The following SLC6A11 variants were observed in gnomAD, a reference collection of about 807,000 sequenced individuals.
The protein encoded by SLC6A11 is solute carrier family 6 member 11.
A neutral mutation model predicts 74.8 loss-of-function variants in SLC6A11; 25 were observed. That is an observed-to-expected ratio of 0.33 (90% CI 0.24 to 0.47). The LOEUF (loss-of-function observed/expected upper bound fraction) is 0.47. SLC6A11 is among the 20% of genes least tolerant of loss of function. The probability of loss-of-function intolerance (pLI) is 1.00; values close to 1 mark genes in which losing one functional copy is unlikely to be tolerated. For synonymous variants in SLC6A11, 330 were observed against 330.2 expected, an observed-to-expected ratio of 1.00 and a Z score of 0.01; for missense variants, 574 against 837.0, an observed-to-expected ratio of 0.69 and a Z score of 3.88.
At chr3:10,928,369 C>G (rs1420184658) in intron 9 of SLC6A11, among the ~76,000 whole-genome samples, 1 of 151,918 alleles carries the variant, frequency 6.6e-6, no homozygotes, top group African/African-American at 2.4e-5. Flanking sequence ...GCTCAGGGCG[C>G]AGAGGAGAGG....
intron 13 of SLC6A11, among the ~76,000 whole-genome samples, chr3:10,936,121 G>T (rs1481293376): frequency 6.6e-6 from 1 of 152,166 alleles, no homozygotes; most frequent in Non-Finnish European, 1.5e-5. Context: ...TGCTTATTTA[G>T]TAAACAGCAC....
chr3:10,893,036 T>C (rs1226851158), intron 6 of SLC6A11, among the ~76,000 whole-genome samples: 2 of 152,212 alleles, frequency 1.3e-5, no homozygotes, highest in African/African-American at 4.8e-5. Flanking sequence ...TAGCACATAG[T>C]AGGTGCTCAT....
intron 10 of SLC6A11, among the ~76,000 whole-genome samples, chr3:10,931,520 C>A (rs1048406277): frequency 2.6e-5 from 4 of 152,168 alleles, no homozygotes; most frequent in South Asian, 2.1e-4. Flanking sequence ...ATGGGAGAAC[C>A]CAGGCCAGGC....
chr3:10,818,907 A>G (rs528068584), intron 1 of SLC6A11, among the ~76,000 whole-genome samples: 2 of 152,230 alleles, frequency 1.3e-5, no homozygotes, highest in Non-Finnish European at 2.9e-5. Context: ...ACTCCTTGCA[A>G]GTTGACACCA....
rs1201040957 is a variant in SLC6A11, at chr3:10,901,357, C to T, written c.892-10733C>T. 2.6e-5 allele frequency among the ~76,000 whole-genome samples: 4 copies of T among 152,236 alleles called. No homozygotes were observed. The East Asian group carries it at 5.8e-4, about 22-fold the overall frequency. The stretch of plus-strand genomic sequence containing the variant: ...AAGCCCAGCCACAGTGACCCTCGTT[C>T]CCTGCTCCACACAAAGGGGCCACCG... On this transcript the variant is annotated intron_variant, in intron 6 of 13. Transcript: ENST00000254488.
chr3:10,890,414 A>G (rs1055182096), intron 6 of SLC6A11, among the ~76,000 whole-genome samples: 1 of 152,230 alleles, frequency 6.6e-6, no homozygotes, highest in African/African-American at 2.4e-5. Context: ...ACTAAAGTCC[A>G]TCTGTGAAGT....
At position 10,912,158 on chromosome 3, in the gene SLC6A11, G is replaced by T; in HGVS notation, c.960G>T (p.Leu320=). Residue 320 remains leucine, a synonymous_variant, in exon 7 of 14, where the codon CTG becomes CTT. Coordinates refer to ENST00000254488, the MANE Select transcript of SLC6A11 (RefSeq NM_014229.3). ...TTTGCCTGGGCTGTCTGACCGCTCT[G>T]GGAAGTTATAACAATTATAACAACA... is the stretch of plus-strand genomic sequence containing the variant. ...YAICLGCLTA[L]GSYNNYNNNC... 6.2e-7 allele frequency: 1 copy of T among 1,613,680 alleles called. No individual in the cohort carries two copies. The highest frequency in any genetic ancestry group is 1.3e-5 in the African/African-American group (1 of 74,984).
Position 10,918,303 on chromosome 3 carries a change from T to C in SLC6A11, c.996-26T>C, listed in dbSNP as rs1334615820. ...GCACCGGTTCTGCCCGCTCTGACCC[T>C]AGTGCCTCTCGCTGCTTCCCCACAG... On this transcript the variant is annotated intron_variant, in intron 7 of 13. Transcript: ENST00000254488. The surrounding 1 kb of genome is among the most constrained non-coding windows in gnomAD (Gnocchi z 4.5). 1.9e-6 allele frequency: 3 copies of C among 1,566,794 alleles called. No individual in the cohort carries two copies. The highest frequency in any genetic ancestry group is 2.4e-5 in the East Asian group (1 of 41,892).
chr3:10,860,127 A>G (rs1351279541), intron 5 of SLC6A11, among the ~76,000 whole-genome samples: 1 of 152,244 alleles, frequency 6.6e-6, no homozygotes, highest in Non-Finnish European at 1.5e-5. Context: ...TCTTTACAGT[A>G]TCAAAATTTA....
intron 5 of SLC6A11, among the ~76,000 whole-genome samples, chr3:10,853,103 G>A (rs952737390): frequency 1.3e-5 from 2 of 152,264 alleles, no homozygotes; most frequent in African/African-American, 2.4e-5. Context: ...GTGGAGTGTC[G>A]TTACTTGTGA....
At chr3:10,853,805 T>C (rs756494628) in intron 5 of SLC6A11, among the ~76,000 whole-genome samples, 1 of 152,218 alleles carries the variant, frequency 6.6e-6, no homozygotes, top group African/African-American at 2.4e-5. Context: ...TGATTCATGT[T>C]TGATGGATGA....
At chr3:10,922,254 A>T (rs1029013984) in intron 8 of SLC6A11, among the ~76,000 whole-genome samples, 10 of 152,224 alleles carry the variant, frequency 6.6e-5, no homozygotes, top group Non-Finnish European at 2.9e-5. Flanking sequence ...TATTTCATGA[A>T]ATTGAGACCC....
rs1559550889 is a variant in SLC6A11 at position 10,819,761 on chromosome 3, C to T, written c.441C>T (p.Tyr147=). 4.3e-6 allele frequency: 7 copies of T among 1,614,178 alleles called. No homozygotes were observed. Among genetic ancestry groups the T allele is most frequent in the Non-Finnish European group, 5.9e-6 (7 of 1,179,970 alleles). ...TTGAGGCCCATCTGAATGTGTACTA[C>T]ATCATCATCCTGGCATGGGCCATTT... ...QVIEAHLNVY[Y]IIILAWAIFY... Residue 147 remains tyrosine, a synonymous_variant, in exon 3 of 14, where the codon TAC becomes TAT. Transcript: ENST00000254488.
intron 5 of SLC6A11, among the ~76,000 whole-genome samples, chr3:10,847,663 T>A (rs1694521231): frequency 6.6e-6 from 1 of 152,176 alleles, no homozygotes; most frequent in South Asian, 2.1e-4. Context: ...TCCCAGCTCG[T>A]TATTAATGAT....
intron 13 of SLC6A11, among the ~76,000 whole-genome samples, chr3:10,936,473 A>G (rs1355601319): frequency 1.3e-5 from 2 of 152,198 alleles, no homozygotes; most frequent in Non-Finnish European, 2.9e-5. Flanking sequence ...GAGTGGGGGT[A>G]TGCAGAGCCA....
chr3:10,935,234 C>T, intron 13 of SLC6A11, 35 bp downstream of exon 13: 1 of 1,602,968 alleles, frequency 6.2e-7, no homozygotes, highest in Non-Finnish European at 8.5e-7. Flanking sequence ...TGCGTTTGGG[C>T]AGGGTTCGCG....
At position 10,935,166 on chromosome 3, in the gene SLC6A11, C is replaced by T. The variant is rs769292745; in HGVS notation, c.1713C>T (p.Ile571=). The part of the protein sequence containing the change: ...SMLCIPLWIC[I]TVWKTEGTLP... The stretch of plus-strand genomic sequence containing the variant: ...TCTGCATCCCGCTCTGGATCTGCAT[C>T]ACAGTGTGGAAGACGGAGGGGACAC... The change falls in exon 13 of 14, where the codon ATC becomes ATT. Residue 571 remains isoleucine, a synonymous_variant. Transcript: ENST00000254488. 4.3e-6 allele frequency: 7 copies of T among 1,614,106 alleles called. No homozygotes were observed. The East Asian group carries it at 1.3e-4, about 31-fold the overall frequency.
intron 10 of SLC6A11, among the ~76,000 whole-genome samples, chr3:10,930,781 GTC>G (rs1160321973): frequency 1.3e-5 from 2 of 152,178 alleles, no homozygotes; most frequent in East Asian, 3.9e-4. Context: ...AGCTCACCGA[GTC>G]TCTGATACCC....
rs73812356 is a variant in SLC6A11, at chr3:10,926,934, G to A, written c.1233+818G>A. Among the ~76,000 whole-genome samples, 2,133 of 152,200 alleles carry A rather than the reference G, an allele frequency of 0.014. 47 individuals carry two copies. Among genetic ancestry groups the A allele is most frequent in the African/African-American group, 0.048 (2,009 of 41,534 alleles). Reference sequence around the variant, plus strand: ...CCCCCAGCCACAGCCTCCCCGCCTCGGAGACTGGGGTCTCTTGGCCAACCA... The same window carrying A: ...CCCCCAGCCACAGCCTCCCCGCCTCAGAGACTGGGGTCTCTTGGCCAACCA... On this transcript the variant is annotated intron_variant, in intron 9 of 13. Coordinates refer to ENST00000254488, the MANE Select transcript of SLC6A11 (RefSeq NM_014229.3). The surrounding 1 kb of genome is among the most constrained non-coding windows in gnomAD (Gnocchi z 5.7).
Sources: gnomAD v4.1 joint callset for allele counts (sites outside exome capture counted in the v4.1 genomes callset) on GRCh38, gnomAD v4.1.1 for gene constraint, Gnocchi (gnomAD v3.1) non-coding constraint, MANE v1.5 for transcripts, NCBI Gene and HGNC (gene_info 2026-07-23, HGNC 2026-07-21) for gene names.